Variants in FAM169A observed in about 807,000 individuals in gnomAD.
The protein encoded by FAM169A is family with sequence similarity 169 member A.
A neutral mutation model predicts 75.7 loss-of-function variants in FAM169A; 24 were observed. That is an observed-to-expected ratio of 0.32 (90% CI 0.23 to 0.45). The LOEUF is 0.45. Among genes scored for constraint, FAM169A ranks in the 20% least tolerant of loss-of-function variants. The pLI is 1.00. For synonymous variants in FAM169A, 271 were observed against 271.0 expected (o/e 1.00, Z 0.00); for missense variants, 673 against 784.0 (o/e 0.86, Z 1.69).
At chr5:74,826,948 T>C (rs1227469778) in intron 5 of FAM169A, among the ~76,000 whole-genome samples, 1 of 152,186 alleles carries the variant, frequency 6.6e-6, no homozygotes, top group Non-Finnish European at 1.5e-5. Context: ...CTCATAACCT[T>C]GACACTATGG....
intron 10 of FAM169A, chr5:74,799,775 G>A (rs1342199652): frequency 1.8e-6 from 2 of 1,121,464 alleles, no homozygotes; most frequent in Non-Finnish European, 2.7e-6. Flanking sequence ...ACAGCGCCGT[G>A]GCTGCTGGCC....
intron 11 of FAM169A, among the ~76,000 whole-genome samples, chr5:74,795,124 G>C (rs934864391): frequency 6.6e-6 from 1 of 151,994 alleles, no homozygotes. Context: ...TGGGTATGGT[G>C]GGGGGAACCT....
At chr5:74,856,217 A>G (rs1749697858) in intron 1 of FAM169A, among the ~76,000 whole-genome samples, 3 of 151,992 alleles carry the variant, frequency 2.0e-5, no homozygotes, top group Admixed American at 1.3e-4. Flanking sequence ...AGATAATGTG[A>G]TTTCTCCAGT....
chr5:74,834,643 C>CTTGTGATTGATGCAT, intron 4 of FAM169A, 46 bp from the exon 5 acceptor site: 1 of 1,375,340 alleles, frequency 7.3e-7, no homozygotes, highest in Non-Finnish European at 9.6e-7. Flanking sequence ...TAATATGCAT[C>CTTGTGATTGATGCAT]AATCACAAGA....
In FAM169A at chr5:74,779,600, G is replaced by T. The variant is rs1745309165; in HGVS notation, c.*1860C>A. On this transcript the variant is annotated 3_prime_UTR_variant, in exon 13 of 13. Transcript: ENST00000687041. ...TATAAAACAGCATAAATGTTTGGTA[G>T]ATTCACTAATAGTAGTCATACTTTT... 1 of 151,324 alleles carries T rather than the reference G, an allele frequency of 6.6e-6. No individual in the cohort carries two copies. Among genetic ancestry groups the T allele is most frequent in the Non-Finnish European group, 1.5e-5 (1 of 67,874 alleles). The allele number at this position is 151,324 out of a possible 1,614,324, so 9.4% of individuals were successfully genotyped here. A position where few individuals can be genotyped will look rare whatever the true frequency, so the allele number is the denominator to read the frequency against.
chr5:74,817,462 AAATTT>A (rs1339976982), intron 5 of FAM169A, among the ~76,000 whole-genome samples: 1 of 152,144 alleles, frequency 6.6e-6, no homozygotes, highest in Non-Finnish European at 1.5e-5. Context: ...CAAAAAAAAT[AAATTT>A]AACAACAGAC....
intron 1 of FAM169A, 136 bp from the exon 2 acceptor site, chr5:74,841,815 T>C (rs1464475691): frequency 4.2e-6 from 3 of 712,256 alleles, no homozygotes; most frequent in Middle Eastern, 2.8e-4. Flanking sequence ...GCCCGCAGAA[T>C]ACAACTTGAA....
At position 74,866,324 on chromosome 5, in the gene FAM169A, G is replaced by C. The variant is rs1442564423; in HGVS notation, c.-163C>G. The stretch of plus-strand genomic sequence containing the variant: ...GTGCGGCTGCCTCCCGCTCGCCCCG[G>C]ACGCCCGGCTCCTCGTCGCGGGTCG... On this transcript the variant is annotated 5_prime_UTR_variant, in exon 1 of 13. Transcript: ENST00000687041. The C allele has an allele frequency of 2.0e-6, 2 of 984,478 alleles. No individual in the cohort carries two copies. Among genetic ancestry groups the C allele is most frequent in the Non-Finnish European group, 2.4e-6 (2 of 829,616 alleles). The allele number at this position is 984,478 out of a possible 1,614,324, so 61.0% of individuals were successfully genotyped here.
chr5:74,848,663 C>T (rs975351482), intron 1 of FAM169A: 7 of 152,110 alleles, frequency 4.6e-5, no homozygotes, highest in African/African-American at 1.4e-4. Flanking sequence ...TCATTGGTAA[C>T]GTGATGCAAC....
intron 11 of FAM169A, among the ~76,000 whole-genome samples, chr5:74,790,454 A>C (rs1354131636): frequency 1.3e-5 from 2 of 152,210 alleles, no homozygotes; most frequent in African/African-American, 2.4e-5. Context: ...GACTTGAAAG[A>C]AGCATGATTG....
chr5:74,863,606 T>C (rs935388533), intron 1 of FAM169A, among the ~76,000 whole-genome samples: 22 of 152,250 alleles, frequency 1.4e-4, no homozygotes, highest in African/African-American at 5.1e-4. Context: ...TTTAGGCAGA[T>C]GACTGAACAT....
At chr5:74,848,424 A>C (rs1220750624) in intron 1 of FAM169A, among the ~76,000 whole-genome samples, 1 of 152,200 alleles carries the variant, frequency 6.6e-6, no homozygotes, top group Non-Finnish European at 1.5e-5. Flanking sequence ...ACTTTTAAAT[A>C]TAATTATTTT....
rs941716579 is a variant in FAM169A at position 74,779,560 on chromosome 5, G to T, written c.*1900C>A. 4 of 151,276 alleles carry T rather than the reference G, an allele frequency of 2.6e-5. No homozygotes were observed. Among genetic ancestry groups the T allele is most frequent in the Non-Finnish European group, 5.9e-5 (4 of 67,880 alleles). 9.4% of individuals were successfully genotyped at this position (151,276 alleles called of 1,614,324 possible). ...ATTTCCCTTTGTGATATTGACAGAA[G>T]TTTCTCATAAAATGTATAAAACAGC... On this transcript the variant is annotated 3_prime_UTR_variant, in exon 13 of 13. Coordinates refer to ENST00000687041, the MANE Select transcript of FAM169A (RefSeq NM_001376049.1).
intron 6 of FAM169A, among the ~76,000 whole-genome samples, chr5:74,807,151 T>C (rs192809440): frequency 5.3e-5 from 8 of 152,254 alleles, no homozygotes; most frequent in African/African-American, 1.4e-4. Context: ...CCATCATAAA[T>C]TGAAAATACC....
At chr5:74,841,464 T>A (rs1244610583) in intron 2 of FAM169A, 81 bp downstream of exon 2, 1 of 1,114,746 alleles carries the variant, frequency 9.0e-7, no homozygotes, top group East Asian at 2.7e-5. Context: ...ACACTTAAAA[T>A]GATTTTTTTA....
chr5:74,862,211 G>C (rs780591720), intron 1 of FAM169A, among the ~76,000 whole-genome samples: 5 of 152,192 alleles, frequency 3.3e-5, no homozygotes, highest in African/African-American at 4.8e-5. Flanking sequence ...TAAAAAGAGA[G>C]AGAGAACCCC....
upstream of FAM169A, chr5:74,866,765 G>C (rs1298325702): frequency 8.1e-6 from 8 of 985,542 alleles, no homozygotes; most frequent in Non-Finnish European, 8.4e-6. Context: ...GCAGGATTCT[G>C]TTCGCATAGC....
chr5:74,799,163 A>G (rs760214914), intron 10 of FAM169A: 9 of 1,075,898 alleles, frequency 8.4e-6, no homozygotes, highest in Non-Finnish European at 1.3e-5. Context: ...CACATCACAG[A>G]TATTGACTGG....
At chr5:74,850,513 G>C (rs1458505268) in intron 1 of FAM169A, among the ~76,000 whole-genome samples, 1 of 152,164 alleles carries the variant, frequency 6.6e-6, no homozygotes, top group Non-Finnish European at 1.5e-5. Context: ...TATTGCAAAG[G>C]ATTTTGAGAG....
Sources: gnomAD v4.1 joint callset for allele counts (sites outside exome capture counted in the v4.1 genomes callset) on GRCh38, gnomAD v4.1.1 for gene constraint, MANE v1.5 for transcripts, NCBI Gene and HGNC (gene_info 2026-07-23, HGNC 2026-07-21) for gene names.